GALNTL6: variants seen among roughly 807,000 people sequenced by gnomAD.
GALNTL6 encodes polypeptide N-acetylgalactosaminyltransferase like 6.
Under a neutral mutation model 73.7 loss-of-function variants are expected in GALNTL6, and 46 were observed. The ratio of observed to expected loss-of-function variants is 0.62; its 90% CI spans 0.49 to 0.80. The LOEUF (loss-of-function observed/expected upper bound fraction) is 0.80. Among genes scored for constraint, GALNTL6 ranks in the 30% least tolerant of loss-of-function variants. GALNTL6 has a pLI of 0.00. For synonymous variants in GALNTL6, 259 were observed against 263.7 expected (o/e 0.98, Z 0.17); for missense variants, 604 against 755.0 (o/e 0.80, Z 2.34).
intron 2 of GALNTL6, among the ~76,000 whole-genome samples, chr4:172,164,185 G>A (rs780703603): frequency 5.9e-5 from 9 of 151,886 alleles, no homozygotes; most frequent in East Asian, 1.9e-4. Flanking sequence ...ATTTTTACTC[G>A]TGTTCATTGC....
intron 5 of GALNTL6, among the ~76,000 whole-genome samples, chr4:172,439,525 AG>A (rs1278007011): frequency 2.0e-5 from 3 of 151,470 alleles, no homozygotes; most frequent in Non-Finnish European, 4.4e-5. Flanking sequence ...TCACTCTCCA[AG>A]GCTCAGTTGT....
At chr4:172,501,546 G>A (rs939118753) in intron 5 of GALNTL6, among the ~76,000 whole-genome samples, 4 of 152,108 alleles carry the variant, frequency 2.6e-5, no homozygotes, top group African/African-American at 9.7e-5. Flanking sequence ...CAGAATGAGA[G>A]AGAAATACTC....
chr4:172,017,240 G>C lies in GALNTL6; in HGVS notation c.138+202522G>C, dbSNP rs1052497365. 3.3e-5 allele frequency among the ~76,000 whole-genome samples: 5 copies of C among 152,242 alleles called. No homozygotes were observed. The East Asian group carries it at 9.7e-4, about 30-fold the overall frequency. ...GGAGCTACTTCAGCTCCCCTGCCAT[G>C]TCAGCAAGAAAGCTATTCACCTTAC... On this transcript the variant is annotated intron_variant, in intron 2 of 12. Coordinates refer to ENST00000506823, the MANE Select transcript of GALNTL6 (RefSeq NM_001034845.3).
intron 11 of GALNTL6, among the ~76,000 whole-genome samples, chr4:173,013,377 G>A (rs185376957): frequency 7.9e-5 from 12 of 152,220 alleles, no homozygotes; most frequent in African/African-American, 1.9e-4. Flanking sequence ...ATGGCCAGCT[G>A]GTGAATATAA....
chr4:172,306,362 C>A (rs1740137771), intron 3 of GALNTL6, among the ~76,000 whole-genome samples: 1 of 152,092 alleles, frequency 6.6e-6, no homozygotes. Context: ...GCACTCCAGT[C>A]TGGGTGACAG....
intron 5 of GALNTL6, among the ~76,000 whole-genome samples, chr4:172,775,985 T>TA (rs1327129074): frequency 6.6e-6 from 1 of 151,952 alleles, no homozygotes; most frequent in Non-Finnish European, 1.5e-5. Flanking sequence ...CTGAGTGAGG[T>TA]AGGGAGGAGA....
At chr4:172,936,855 C>T (rs1282143124) in intron 9 of GALNTL6, among the ~76,000 whole-genome samples, 2 of 152,028 alleles carry the variant, frequency 1.3e-5, no homozygotes, top group South Asian at 2.1e-4. Context: ...CTTCCCAGGT[C>T]CTGAAAATGT....
intron 5 of GALNTL6, among the ~76,000 whole-genome samples, chr4:172,778,416 C>A (rs1469559847): frequency 6.6e-6 from 1 of 152,180 alleles, no homozygotes. Flanking sequence ...CTGGAATAAG[C>A]CACATGTAGG....
At position 172,805,644 on chromosome 4, in the gene GALNTL6, A is replaced by T. The variant is rs185343940; in HGVS notation, c.554-3717A>T. On this transcript the variant is annotated intron_variant, in intron 5 of 12. Coordinates refer to ENST00000506823, the MANE Select transcript of GALNTL6 (RefSeq NM_001034845.3). ...CCTGGCTTATAAATAAAACCCCGTA[A>T]ATTTCCTTGGTGTTATTTAAAATTA... 9.8e-5 allele frequency among the ~76,000 whole-genome samples: 15 copies of T among 152,316 alleles called. No homozygotes were observed. The East Asian group carries it at 2.9e-3, about 29-fold the overall frequency.
At chr4:172,139,248 C>G (rs11936913) in intron 2 of GALNTL6, among the ~76,000 whole-genome samples, 1 of 152,100 alleles carries the variant, frequency 6.6e-6, no homozygotes, top group Non-Finnish European at 1.5e-5. Flanking sequence ...TGATTGCTCA[C>G]TGTTTATGCC....
At chr4:173,007,083 A>G (rs1752335693) in intron 10 of GALNTL6, among the ~76,000 whole-genome samples, 1 of 151,788 alleles carries the variant, frequency 6.6e-6, no homozygotes, top group African/African-American at 2.4e-5. Flanking sequence ...CCCAACCTCT[A>G]CTCCTAGAAT....
rs1038591072 is a variant in GALNTL6, at chr4:171,848,030, C to A, written c.138+33312C>A. The stretch of plus-strand genomic sequence containing the variant: ...CCATCAGAGGAGTCACTGTCTATGG[C>A]AGCAACAGCCTTTTGAAATGTGTTT... On this transcript the variant is annotated intron_variant, in intron 2 of 12. Transcript: ENST00000506823. 3.3e-5 allele frequency among the ~76,000 whole-genome samples: 5 copies of A among 152,168 alleles called. No individual in the cohort carries two copies. In the South Asian group the frequency reaches 1.0e-3, roughly 32 times the overall value.
At chr4:172,879,013 G>A (rs775087149) in intron 7 of GALNTL6, among the ~76,000 whole-genome samples, 6 of 151,392 alleles carry the variant, frequency 4.0e-5, no homozygotes, top group Non-Finnish European at 7.4e-5. Context: ...ACATTATTAG[G>A]GATAATAAAA....
chr4:171,964,061 T>A (rs1739312378), intron 2 of GALNTL6, among the ~76,000 whole-genome samples: 1 of 152,208 alleles, frequency 6.6e-6, no homozygotes, highest in African/African-American at 2.4e-5. Context: ...TGTAATGTAA[T>A]CCATTGCATG....
intron 5 of GALNTL6, among the ~76,000 whole-genome samples, chr4:172,709,776 A>T (rs1040960355): frequency 6.6e-6 from 1 of 152,182 alleles, no homozygotes; most frequent in African/African-American, 2.4e-5. Context: ...AATGTTAAAA[A>T]ATTGAGACAA....
intron 5 of GALNTL6, among the ~76,000 whole-genome samples, chr4:172,622,412 A>G (rs1158197852): frequency 2.0e-5 from 3 of 152,196 alleles, no homozygotes; most frequent in Admixed American, 2.0e-4. Context: ...AAGAAAAACA[A>G]TGGATCACAT....
chr4:172,285,100 A>G (rs1280763659), intron 3 of GALNTL6, among the ~76,000 whole-genome samples: 2 of 152,136 alleles, frequency 1.3e-5, no homozygotes, highest in African/African-American at 2.4e-5. Context: ...TAATTGTGTC[A>G]TCTGCATTTC....
At chr4:171,880,575 T>C (rs529519195) in intron 2 of GALNTL6, among the ~76,000 whole-genome samples, 1 of 152,156 alleles carries the variant, frequency 6.6e-6, no homozygotes, top group African/African-American at 2.4e-5. Context: ...AATCCAGAAT[T>C]GTGCTGAAGC....
At chr4:172,595,838 C>T (rs2111011064) in intron 5 of GALNTL6, among the ~76,000 whole-genome samples, 1 of 152,198 alleles carries the variant, frequency 6.6e-6, no homozygotes, top group Admixed American at 6.5e-5. Context: ...CAAAAAAGCC[C>T]TGACAAATTG....
Sources: allele counts gnomAD v4.1 joint callset (sites outside exome capture counted in the v4.1 genomes callset), GRCh38; gene constraint gnomAD v4.1.1; transcripts MANE v1.5; gene names NCBI Gene and HGNC (gene_info 2026-07-23, HGNC 2026-07-21).